Variants in CYTH3 observed in about 807,000 individuals in gnomAD.
The protein encoded by CYTH3 is cytohesin-3.
In CYTH3, 23 loss-of-function variants were observed where a neutral mutation model predicts 55.1. The ratio of observed to expected loss-of-function variants is 0.42; its 90% CI spans 0.30 to 0.59. The LOEUF is 0.59. CYTH3 is among the 20% of genes least tolerant of loss of function. The pLI is 0.20. For synonymous variants in CYTH3, 249 were observed against 194.9 expected, an observed-to-expected ratio of 1.28 and a Z score of -2.31; for missense variants, 413 against 524.8, an observed-to-expected ratio of 0.79 and a Z score of 2.08.
chr7:6,197,415 GC>G (rs1783960748), intron 1 of CYTH3, among the ~76,000 whole-genome samples: 1 of 152,190 alleles, frequency 6.6e-6, no homozygotes, highest in African/African-American at 2.4e-5. Context: ...GAGCACAGTG[GC>G]TCACACCTGT....
intron 1 of CYTH3, among the ~76,000 whole-genome samples, chr7:6,256,267 G>A (rs1374281634): frequency 6.6e-6 from 1 of 151,882 alleles, no homozygotes; most frequent in Non-Finnish European, 1.5e-5. Context: ...TCTCTCCAAA[G>A]GGAGTCACTG....
At chr7:6,256,734 A>T (rs962352067) in intron 1 of CYTH3, among the ~76,000 whole-genome samples, 3 of 152,206 alleles carry the variant, frequency 2.0e-5, no homozygotes, top group Non-Finnish European at 4.4e-5. Flanking sequence ...TTAAAAAGTC[A>T]TGTTCTGCAT....
chr7:6,271,692 CG>C (rs1780662337), intron 1 of CYTH3, among the ~76,000 whole-genome samples: 1 of 152,076 alleles, frequency 6.6e-6, no homozygotes, highest in Non-Finnish European at 1.5e-5. Flanking sequence ...AAGAGGAAAC[CG>C]AACGTCAGAC....
chr7:6,262,330 CT>C (rs1780373778), intron 1 of CYTH3, among the ~76,000 whole-genome samples: 2 of 152,266 alleles, frequency 1.3e-5, no homozygotes. Context: ...TAAGATCAAG[CT>C]TTGTCACAGC....
chr7:6,202,437 G>A (rs1784076945), intron 1 of CYTH3, among the ~76,000 whole-genome samples: 1 of 151,684 alleles, frequency 6.6e-6, no homozygotes, highest in East Asian at 1.9e-4. Context: ...TTTGGATGGT[G>A]AGACAACAGG....
intron 4 of CYTH3, among the ~76,000 whole-genome samples, chr7:6,184,250 C>T (rs900893668): frequency 1.2e-4 from 18 of 151,364 alleles, no homozygotes; most frequent in African/African-American, 3.2e-4. Context: ...TCAGTAGAAA[C>T]GGGGTTTCAC....
chr7:6,178,050 A>G (rs1312828080), intron 4 of CYTH3, 109 bp from the exon 5 acceptor site: 11 of 777,144 alleles, frequency 1.4e-5, no homozygotes, highest in Non-Finnish European at 2.4e-5. Flanking sequence ...ACACAGCAAA[A>G]ATAATACCAG....
chr7:6,178,597 C>G (rs1783404406), intron 4 of CYTH3, among the ~76,000 whole-genome samples: 1 of 152,256 alleles, frequency 6.6e-6, no homozygotes, highest in Non-Finnish European at 1.5e-5. Context: ...ACATGGGAAA[C>G]CCTGAGATGT....
Position 6,185,124 on chromosome 7 carries a change from C to G in CYTH3, c.249+1926G>C, listed in dbSNP as rs575947145. ...AAAGAAAAGCTGTTACCCAAAATAT[C>G]AAATCATTTCCAAATTCACAAAATT... On this transcript the variant is annotated intron_variant, in intron 4 of 12. Transcript: ENST00000350796. Among the ~76,000 whole-genome samples, 3 of 152,328 alleles carry G rather than the reference C, an allele frequency of 2.0e-5. No individual in the cohort carries two copies. In the South Asian group the frequency reaches 6.2e-4, roughly 32 times the overall value.
intron 1 of CYTH3, among the ~76,000 whole-genome samples, chr7:6,263,833 A>G (rs1780416677): frequency 6.6e-6 from 1 of 152,238 alleles, no homozygotes; most frequent in Non-Finnish European, 1.5e-5. Context: ...ACACAGGACA[A>G]GATAGACAAA....
At chr7:6,227,011 C>T (rs1015852945) in intron 1 of CYTH3, among the ~76,000 whole-genome samples, 9 of 149,120 alleles carry the variant, frequency 6.0e-5, no homozygotes, top group Non-Finnish European at 1.0e-4. Context: ...ACCCGGGAGG[C>T]GGAGCTTGCA....
chr7:6,190,583 C>T, intron 1 of CYTH3, 52 bp from the exon 2 acceptor site: 1 of 1,425,452 alleles, frequency 7.0e-7, no homozygotes, highest in East Asian at 2.5e-5. Flanking sequence ...TTGGCAACAT[C>T]CAGCAAGGTT....
intron 1 of CYTH3, among the ~76,000 whole-genome samples, chr7:6,261,875 C>G (rs755381480): frequency 2.6e-5 from 4 of 151,788 alleles, no homozygotes; most frequent in Admixed American, 1.3e-4. Context: ...TGACTGAAAA[C>G]CAAGGATAAA....
chr7:6,199,556 A>G lies in CYTH3; in HGVS notation c.35-9025T>C, dbSNP rs1009596763. On this transcript the variant is annotated intron_variant, in intron 1 of 12. Coordinates refer to ENST00000350796, the MANE Select transcript of CYTH3 (RefSeq NM_004227.4). ...ACCCTGCAAAATCTCTTTCAAAAATAAAGATGAAACAAAGACATTTTCAGA... is the reference window on the plus strand; with the variant it reads ...ACCCTGCAAAATCTCTTTCAAAAATGAAGATGAAACAAAGACATTTTCAGA... Among the ~76,000 whole-genome samples, 4 of 152,378 alleles carry G rather than the reference A, an allele frequency of 2.6e-5. No homozygotes were observed. In the East Asian group the frequency reaches 7.7e-4, roughly 29 times the overall value.
Position 6,170,686 on chromosome 7 carries a change from A to G in CYTH3, c.712-40T>C. On this transcript the variant is annotated intron_variant, in intron 8 of 12. Coordinates refer to ENST00000350796, the MANE Select transcript of CYTH3 (RefSeq NM_004227.4). The surrounding 1 kb of genome is among the most constrained non-coding windows in gnomAD (Gnocchi z 7.8). The stretch of plus-strand genomic sequence containing the variant: ...AACAGCAGCCAGTTCAGAGACTCGG[A>G]GGAAAATGGCTGGCCGGGCAGAAAG... The G allele has an allele frequency of 1.3e-6, 2 of 1,598,236 alleles. No individual in the cohort carries two copies. The highest frequency in any genetic ancestry group is 1.7e-6 in the Non-Finnish European group (2 of 1,171,162).
intron 1 of CYTH3, among the ~76,000 whole-genome samples, chr7:6,267,556 CGA>C (rs1780531353): frequency 6.6e-6 from 1 of 152,116 alleles, no homozygotes; most frequent in Admixed American, 6.5e-5. Context: ...GTTTTGAGAC[CGA>C]GTCTCACTCT....
intron 1 of CYTH3, among the ~76,000 whole-genome samples, chr7:6,238,014 C>T (rs1336979987): frequency 6.6e-6 from 1 of 152,066 alleles, no homozygotes; most frequent in Non-Finnish European, 1.5e-5. Flanking sequence ...GTAAAGATAC[C>T]AGGGTCCCCA....
chr7:6,272,409 C>CGGGGGGGGGGGCGG, intron 1 of CYTH3, 65 bp downstream of exon 1: 1 of 1,212,390 alleles, frequency 8.2e-7, no homozygotes, highest in Non-Finnish European at 1.1e-6. Flanking sequence ...GCCGCGCCCT[C>CGGGGGGGGGGGCGG]GACCCCCAGC....
intron 1 of CYTH3, among the ~76,000 whole-genome samples, chr7:6,243,228 C>G (rs779477645): frequency 3.9e-5 from 6 of 152,162 alleles, no homozygotes; most frequent in African/African-American, 7.2e-5. Context: ...GCAAACTGCC[C>G]TTGGTAAGAT....
Sources: gnomAD v4.1 joint callset for allele counts (sites outside exome capture counted in the v4.1 genomes callset) on GRCh38, gnomAD v4.1.1 for gene constraint, Gnocchi (gnomAD v3.1) non-coding constraint, MANE v1.5 for transcripts, NCBI Gene and HGNC (gene_info 2026-07-23, HGNC 2026-07-21) for gene names.